The following ERC2 variants were observed in gnomAD, a reference collection of about 807,000 sequenced individuals.
The protein encoded by ERC2 is ERC protein 2.
In ERC2, 42 loss-of-function variants were observed where a neutral mutation model predicts 114.8. The ratio of observed to expected loss-of-function variants is 0.37; its 90% CI spans 0.29 to 0.47. The LOEUF is 0.47. ERC2 is among the 20% of genes least tolerant of loss of function. The pLI, the probability that ERC2 is intolerant of heterozygous loss-of-function variation, is 0.99. For missense variants in ERC2, 939 were observed against 1,150.7 expected, an observed-to-expected ratio of 0.82 and a Z score of 2.66; for synonymous variants, 454 against 425.5, an observed-to-expected ratio of 1.07 and a Z score of -0.82.
Position 55,828,677 on chromosome 3 carries a change from T to C in ERC2, c.2564+59712A>G, listed in dbSNP as rs79413446. ...GTCTCATCCCTAAGCTGTGCATGTG[T>C]ACAATAGATCTAAAGACTTGAAAAC... On this transcript the variant is annotated intron_variant, in intron 14 of 17. Coordinates refer to ENST00000288221, the MANE Select transcript of ERC2 (RefSeq NM_015576.3). Among the ~76,000 whole-genome samples the C allele has an allele frequency of 5.3e-3, 814 of 152,176 alleles. 2 individuals are homozygous for C. The highest frequency in any genetic ancestry group is 0.019 in the African/African-American group (781 of 41,502).
At chr3:55,794,095 C>T (rs866235129) in intron 14 of ERC2, among the ~76,000 whole-genome samples, 1 of 152,172 alleles carries the variant, frequency 6.6e-6, no homozygotes, top group Non-Finnish European at 1.5e-5. Context: ...AATGTTATGG[C>T]ACCCTCTTTT....
chr3:56,115,380 G>C (rs138754719), intron 6 of ERC2, among the ~76,000 whole-genome samples: 1 of 152,074 alleles, frequency 6.6e-6, no homozygotes, highest in African/African-American at 2.4e-5. Context: ...GGTGAGACTT[G>C]GGGAGGGCTA....
chr3:55,556,393 C>T (rs1265020582), intron 17 of ERC2, among the ~76,000 whole-genome samples: 4 of 152,168 alleles, frequency 2.6e-5, no homozygotes, highest in Non-Finnish European at 5.9e-5. Context: ...TCCACAGCCC[C>T]CATTCACCTT....
chr3:56,166,318 C>T (rs2082323513), intron 4 of ERC2, among the ~76,000 whole-genome samples: 1 of 152,002 alleles, frequency 6.6e-6, no homozygotes. Flanking sequence ...CAGGAGATTG[C>T]TTGTAATTTT....
chr3:56,339,911 T>C (rs1056619019), intron 2 of ERC2, among the ~76,000 whole-genome samples: 26 of 152,270 alleles, frequency 1.7e-4, no homozygotes, highest in African/African-American at 5.8e-4. Flanking sequence ...CGGGCTCATC[T>C]GCACGGACAA....
At chr3:56,157,169 C>T (rs773272745) in intron 4 of ERC2, among the ~76,000 whole-genome samples, 4 of 152,132 alleles carry the variant, frequency 2.6e-5, no homozygotes, top group Non-Finnish European at 5.9e-5. Context: ...GACAGGAGGC[C>T]ACATATTGGG....
At chr3:56,022,532 A>G (rs2073786282) in intron 7 of ERC2, among the ~76,000 whole-genome samples, 1 of 152,188 alleles carries the variant, frequency 6.6e-6, no homozygotes, top group Non-Finnish European at 1.5e-5. Context: ...AAGACTGGAG[A>G]GAATATAAAA....
chr3:56,214,316 A>G (rs1200121825), intron 3 of ERC2, among the ~76,000 whole-genome samples: 1 of 151,480 alleles, frequency 6.6e-6, no homozygotes, highest in Non-Finnish European at 1.5e-5. Flanking sequence ...ATGGAGCTGA[A>G]AACTACAGCA....
chr3:55,594,296 T>G (rs937725473), intron 17 of ERC2, among the ~76,000 whole-genome samples: 3 of 152,172 alleles, frequency 2.0e-5, no homozygotes, highest in African/African-American at 7.2e-5. Context: ...CAGGATTACA[T>G]GACTCAGAAT....
intron 2 of ERC2, among the ~76,000 whole-genome samples, chr3:56,320,620 A>T (rs1048111979): frequency 1.3e-5 from 2 of 152,208 alleles, no homozygotes; most frequent in Non-Finnish European, 2.9e-5. Context: ...CTAAATATTT[A>T]CCATCACGCC....
At chr3:56,142,985 C>T (rs891582781) in intron 5 of ERC2, among the ~76,000 whole-genome samples, 2 of 152,204 alleles carry the variant, frequency 1.3e-5, no homozygotes, top group Admixed American at 1.3e-4. Context: ...TTCCGATCAT[C>T]TTGCACAGCA....
chr3:55,971,645 A>G (rs955297718), intron 12 of ERC2, among the ~76,000 whole-genome samples: 1 of 152,210 alleles, frequency 6.6e-6, no homozygotes, highest in African/African-American at 2.4e-5. Context: ...TGGAGCTGAA[A>G]GAAGGAATGC....
intron 14 of ERC2, among the ~76,000 whole-genome samples, chr3:55,756,122 A>T (rs1298970050): frequency 6.6e-6 from 1 of 152,226 alleles, no homozygotes; most frequent in Non-Finnish European, 1.5e-5. Flanking sequence ...AATGTCTTCA[A>T]AAGTTTGCAG....
chr3:55,713,209 T>A (rs947375552), intron 15 of ERC2, among the ~76,000 whole-genome samples: 1 of 150,786 alleles, frequency 6.6e-6, no homozygotes, highest in Non-Finnish European at 1.5e-5. Context: ...TTTTCCTTAT[T>A]AAAAAAAAAT....
chr3:56,006,375 G>A (rs919517249), intron 10 of ERC2, among the ~76,000 whole-genome samples: 1 of 151,920 alleles, frequency 6.6e-6, no homozygotes, highest in Admixed American at 6.6e-5. Flanking sequence ...ATTATACATA[G>A]TCAAATTGTA....
At chr3:55,686,538 G>C (rs1034625856) in intron 16 of ERC2, among the ~76,000 whole-genome samples, 7 of 152,178 alleles carry the variant, frequency 4.6e-5, no homozygotes, top group African/African-American at 1.7e-4. Flanking sequence ...AACATATGCA[G>C]CTGTTTCACT....
At chr3:55,515,405 T>C (rs1431416420) in intron 17 of ERC2, among the ~76,000 whole-genome samples, 2 of 152,146 alleles carry the variant, frequency 1.3e-5, no homozygotes, top group Non-Finnish European at 2.9e-5. Flanking sequence ...TCTCTCTCTG[T>C]TGTCCAGGCT....
intron 2 of ERC2, among the ~76,000 whole-genome samples, chr3:56,395,892 T>C (rs1479037245): frequency 1.3e-5 from 2 of 152,220 alleles, no homozygotes; most frequent in Non-Finnish European, 2.9e-5. Flanking sequence ...AGGAAAACAC[T>C]TCCACCAGTG....
At chr3:56,408,501 A>C (rs1370020121) in intron 2 of ERC2, among the ~76,000 whole-genome samples, 1 of 152,044 alleles carries the variant, frequency 6.6e-6, no homozygotes, top group Admixed American at 6.6e-5. Context: ...ATATACGCTC[A>C]CATCCCCCTT....
Sources: allele counts gnomAD v4.1 joint callset (sites outside exome capture counted in the v4.1 genomes callset), GRCh38; gene constraint gnomAD v4.1.1; transcripts MANE v1.5; gene names NCBI Gene and HGNC (gene_info 2026-07-23, HGNC 2026-07-21).